Variants in PCDHGB4 observed in about 807,000 individuals in gnomAD.
The protein encoded by PCDHGB4 is protocadherin gamma subfamily B, 4, also known as protocadherin gamma-B4.
In PCDHGB4, 38 loss-of-function variants were observed where a neutral mutation model predicts 60.5. The observed-to-expected ratio is 0.63, with a 90% CI of 0.48 to 0.82. PCDHGB4 has a LOEUF of 0.82. PCDHGB4 is among the 40% of genes least tolerant of loss of function. PCDHGB4 has a pLI of 0.00. For missense variants in PCDHGB4, 1,109 were observed against 1,209.6 expected, an observed-to-expected ratio of 0.92 and a Z score of 1.23; for synonymous variants, 456 against 509.7, an observed-to-expected ratio of 0.89 and a Z score of 1.42.
chr5:141,443,018 A>G (rs2098358800), intron 1 of PCDHGB4, among the ~76,000 whole-genome samples: 1 of 152,208 alleles, frequency 6.6e-6, no homozygotes, highest in Admixed American at 6.5e-5. Flanking sequence ...TGACTAATGG[A>G]AGTTGCCAGA....
chr5:141,457,386 A>G lies in PCDHGB4; in HGVS notation c.2398-37421A>G, dbSNP rs1303460358. Reference sequence around the variant, plus strand: ...TGCAAAATAATTGCCCAGAACTAGCATATTGATTCACATTTTCACATTACC... The same window carrying G: ...TGCAAAATAATTGCCCAGAACTAGCGTATTGATTCACATTTTCACATTACC... On this transcript the variant is annotated intron_variant, in intron 1 of 3. Transcript: ENST00000519479. Among the ~76,000 whole-genome samples the G allele has an allele frequency of 5.3e-5, 8 of 152,210 alleles. No homozygotes were observed. The East Asian group carries it at 1.3e-3, about 26-fold the overall frequency.
chr5:141,390,999 A>C (rs982856270), intron 1 of PCDHGB4: 23 of 152,216 alleles, frequency 1.5e-4, no homozygotes, highest in African/African-American at 5.6e-4. Context: ...ATTCAAGCTC[A>C]TTCTATATCC....
At chr5:141,504,594 C>T (rs2099839378) in intron 2 of PCDHGB4, among the ~76,000 whole-genome samples, 2 of 140,288 alleles carry the variant, frequency 1.4e-5, no homozygotes, top group South Asian at 4.4e-4. Context: ...GGATTCACAG[C>T]AAGAGGGAAC....
At chr5:141,399,123 T>C (rs1221457638) in intron 1 of PCDHGB4, 12 of 1,613,828 alleles carry the variant, frequency 7.4e-6, no homozygotes, top group East Asian at 2.2e-5. Context: ...TTGAAATTAA[T>C]ATTCAAGATG....
intron 1 of PCDHGB4, among the ~76,000 whole-genome samples, chr5:141,466,292 T>C (rs1050311680): frequency 3.3e-5 from 5 of 152,134 alleles, no homozygotes; most frequent in Non-Finnish European, 5.9e-5. Context: ...CACCTCAGGC[T>C]CCCAAGTAGC....
At position 141,394,582 on chromosome 5, in the gene PCDHGB4, A is replaced by C. The variant is rs1459158771; in HGVS notation, c.2397+4301A>C. The C allele has an allele frequency of 2.5e-6, 4 of 1,613,598 alleles. No individual in the cohort carries two copies. In the African/African-American group the frequency reaches 4.0e-5, roughly 16 times the overall value. ...GCAGAGCGTGGCTACCTGGTGACCA[A>C]GGTGGTGGCGGTGGACAGAGACTCG... On this transcript the variant is annotated intron_variant, in intron 1 of 3. Coordinates refer to ENST00000519479, the MANE Select transcript of PCDHGB4 (RefSeq NM_003736.4).
chr5:141,478,381 C>T (rs931860600), intron 1 of PCDHGB4: 22 of 1,613,664 alleles, frequency 1.4e-5, no homozygotes, highest in Non-Finnish European at 1.8e-5. Flanking sequence ...TGTCGCCGCA[C>T]CTTTACCATC....
chr5:141,465,950 A>G (rs570810183), intron 1 of PCDHGB4, among the ~76,000 whole-genome samples: 2 of 152,102 alleles, frequency 1.3e-5, no homozygotes, highest in African/African-American at 4.8e-5. Flanking sequence ...GTGAAACCCC[A>G]TCTCTACTAA....
At position 141,489,125 on chromosome 5, in the gene PCDHGB4, G is replaced by T. The variant is rs537146985; in HGVS notation, c.2398-5682G>T. 1.1e-4 allele frequency: 77 copies of T among 728,124 alleles called. No individual in the cohort carries two copies. The East Asian group carries it at 1.9e-3, about 18-fold the overall frequency. 45.1% of individuals were successfully genotyped at this position (728,124 alleles called of 1,614,324 possible). A position where few individuals can be genotyped will look rare whatever the true frequency, so the allele number is the denominator to read the frequency against. ...CTGCAAGCAGGCAAACCTCCGAGCAGTTTTTAAGAGGCTGGAAGGAGACAT... is the reference window on the plus strand; with the variant it reads ...CTGCAAGCAGGCAAACCTCCGAGCATTTTTTAAGAGGCTGGAAGGAGACAT... On this transcript the variant is annotated intron_variant, in intron 1 of 3. Coordinates refer to ENST00000519479, the MANE Select transcript of PCDHGB4 (RefSeq NM_003736.4). The surrounding 1 kb of genome is among the most constrained non-coding windows in gnomAD (Gnocchi z 4.5).
chr5:141,447,056 G>A (rs1452688256), intron 1 of PCDHGB4, among the ~76,000 whole-genome samples: 1 of 152,058 alleles, frequency 6.6e-6, no homozygotes, highest in Non-Finnish European at 1.5e-5. Flanking sequence ...CTATTAAAAT[G>A]TGTCAGGCTG....
intron 1 of PCDHGB4, among the ~76,000 whole-genome samples, chr5:141,457,694 C>G (rs891323419): frequency 6.6e-6 from 1 of 152,214 alleles, no homozygotes; most frequent in Non-Finnish European, 1.5e-5. Flanking sequence ...TTTGGATTGG[C>G]TTTGATGAAA....
chr5:141,398,980 G>A (rs772840804), intron 1 of PCDHGB4: 3 of 1,613,860 alleles, frequency 1.9e-6, no homozygotes, highest in South Asian at 2.2e-5. Flanking sequence ...CTACAGAACC[G>A]GGCAAATCTT....
intron 1 of PCDHGB4, chr5:141,421,032 C>A: frequency 1.9e-6 from 1 of 533,288 alleles, no homozygotes; most frequent in Non-Finnish European, 3.3e-6. Flanking sequence ...GCCATTGAGT[C>A]CCTCCCTCCC....
At chr5:141,423,250 G>T in intron 1 of PCDHGB4, 1 of 1,613,954 alleles carries the variant, frequency 6.2e-7, no homozygotes, top group Non-Finnish European at 8.5e-7. Context: ...AGTCCTGGCG[G>T]ACCTCGGCAG....
chr5:141,422,485 A>G, intron 1 of PCDHGB4: 2 of 1,613,980 alleles, frequency 1.2e-6, no homozygotes, highest in Non-Finnish European at 1.7e-6. Context: ...CCAGAGCTAC[A>G]ATATAACGTT....
rs2098098668 is a variant in PCDHGB4, at chr5:141,439,210, T to C, written c.2397+48929T>C. Among the ~76,000 whole-genome samples the C allele has an allele frequency of 4.0e-5, 6 of 150,296 alleles. No homozygotes were observed. The Middle Eastern group carries it at 0.014, about 343-fold the overall frequency. On this transcript the variant is annotated intron_variant, in intron 1 of 3. Transcript: ENST00000519479. The stretch of plus-strand genomic sequence containing the variant: ...TCTGACAAAAAAAAAAAAAAATCCA[T>C]ATGTGAAAATTCTTAGAAGCTTCCT...
chr5:141,418,751 A>G (rs2096284782), intron 1 of PCDHGB4: 2 of 1,613,840 alleles, frequency 1.2e-6, no homozygotes, highest in African/African-American at 2.7e-5. Context: ...GGATTACACT[A>G]CAGGAAACAT....
chr5:141,428,406 C>T (rs908202809), intron 1 of PCDHGB4: 1 of 473,274 alleles, frequency 2.1e-6, no homozygotes, highest in Non-Finnish European at 3.9e-6. Context: ...CCTGGGGTTG[C>T]TTTCACCCTG....
intron 1 of PCDHGB4, chr5:141,409,419 CAGAT>C (rs1303289792): frequency 3.1e-6 from 5 of 1,614,028 alleles, no homozygotes; most frequent in Non-Finnish European, 3.4e-6. Context: ...AAACTGGTGA[CAGAT>C]GGAGCCCTGG....
Sources: gnomAD v4.1 joint callset for allele counts (sites outside exome capture counted in the v4.1 genomes callset) on GRCh38, gnomAD v4.1.1 for gene constraint, Gnocchi (gnomAD v3.1) non-coding constraint, MANE v1.5 for transcripts, NCBI Gene and HGNC (gene_info 2026-07-23, HGNC 2026-07-21) for gene names.